DENND2B: variants seen among roughly 807,000 people sequenced by gnomAD.
DENND2B encodes DENN domain containing 2B.
A neutral mutation model predicts 116.0 loss-of-function variants in DENND2B; 32 were observed. That is an observed-to-expected ratio of 0.28 (90% CI 0.21 to 0.37). The LOEUF is 0.37. Among genes scored for constraint, DENND2B ranks in the 10% least tolerant of loss-of-function variants. The pLI is 1.00. For missense variants in DENND2B, 1,276 were observed against 1,477.7 expected (o/e 0.86, Z 2.24); for synonymous variants, 588 against 583.9 (o/e 1.01, Z -0.10).
At chr11:8,879,965 A>T (rs2653558) in intron 2 of DENND2B, among the ~76,000 whole-genome samples, 28,597 of 152,188 alleles carry the variant, frequency 0.19, 3,500 homozygotes, top group Middle Eastern at 0.35. Flanking sequence ...TCACATTAAC[A>T]TTTGTACAGT....
At chr11:8,808,829 C>T (rs1170883765) in intron 1 of DENND2B, 1 of 152,188 alleles carries the variant, frequency 6.6e-6, no homozygotes, top group Non-Finnish European at 1.5e-5. Context: ...AAGATACTTG[C>T]CCGTGGCCGC....
At chr11:8,890,770 G>A (rs2064021537) in intron 1 of DENND2B, among the ~76,000 whole-genome samples, 1 of 152,212 alleles carries the variant, frequency 6.6e-6, no homozygotes. Context: ...TCTGAGTGGT[G>A]TACCTGAAAG....
chr11:8,878,923 G>A (rs1286495915), intron 2 of DENND2B, among the ~76,000 whole-genome samples: 1 of 152,186 alleles, frequency 6.6e-6, no homozygotes, highest in Non-Finnish European at 1.5e-5. Flanking sequence ...GGGTATGGGA[G>A]CTCCTTGAGA....
At chr11:8,745,267 C>T (rs2051030227) in intron 2 of DENND2B, among the ~76,000 whole-genome samples, 1 of 152,162 alleles carries the variant, frequency 6.6e-6, no homozygotes, top group African/African-American at 2.4e-5. Flanking sequence ...GTTGCCCAGG[C>T]TGGTCTCAAA....
intron 3 of DENND2B, among the ~76,000 whole-genome samples, chr11:8,846,348 C>T (rs897226603): frequency 2.6e-5 from 4 of 152,198 alleles, no homozygotes; most frequent in Non-Finnish European, 5.9e-5. Flanking sequence ...GATCCCCCAA[C>T]AGGCTGCTGG....
At chr11:8,716,809 A>G (rs1022849446) in intron 5 of DENND2B, among the ~76,000 whole-genome samples, 1 of 152,216 alleles carries the variant, frequency 6.6e-6, no homozygotes, top group Middle Eastern at 3.4e-3. Flanking sequence ...CATCATGCCC[A>G]GCTAATGTTT....
intron 14 of DENND2B, 114 bp from the exon 15 acceptor site, chr11:8,699,504 A>G (rs1301132897): frequency 2.7e-6 from 3 of 1,101,540 alleles, no homozygotes; most frequent in Non-Finnish European, 3.8e-6. Flanking sequence ...AAAAATGCTA[A>G]TGGGGTTCAG....
At position 8,717,912 on chromosome 11, in the gene DENND2B, A is replaced by T; in HGVS notation, c.1478-20T>A. ...GATCTCCTGCAGAGGAGGAAGAGTTAGAGAAGGGGGAGAAGGGAAGAAGGA... is the reference window on the plus strand; with the variant it reads ...GATCTCCTGCAGAGGAGGAAGAGTTTGAGAAGGGGGAGAAGGGAAGAAGGA... On this transcript the variant is annotated intron_variant, in intron 4 of 19. Transcript: ENST00000313726. The T allele has an allele frequency of 6.2e-7, 1 of 1,602,150 alleles. No individual in the cohort carries two copies. The highest frequency in any genetic ancestry group is 1.7e-5 in the Admixed American group (1 of 57,926).
Position 8,697,594 on chromosome 11 carries a change from C to T in DENND2B, c.2983G>A (p.Ala995Thr). ...DTLLPRKLQA[A>T]LEQALERKNE... ...TTCCTCTCCAGAGCCTGCTCCAGAG[C>T]TGCCTGTAACTTCCTAGGTAACAAC... is the stretch of plus-strand genomic sequence containing the variant. Residue 995 changes from alanine (A) to threonine (T), a missense_variant, in exon 17 of 20, where the codon GCT becomes ACT. Physicochemically the swap from Ala to Thr is moderately conservative, Grantham distance 58 (BLOSUM62 0). Around this residue, in one of 2 missense-constraint regions of DENND2B, gnomAD observed 420 missense variants for 631.1 expected, o/e 0.67. Transcript: ENST00000313726. 6.2e-7 allele frequency: 1 copy of T among 1,614,244 alleles called. No homozygotes were observed. Among genetic ancestry groups the T allele is most frequent in the Non-Finnish European group, 8.5e-7 (1 of 1,180,014 alleles).
chr11:8,698,355 T>C (rs1386652012), intron 16 of DENND2B, among the ~76,000 whole-genome samples: 1 of 152,122 alleles, frequency 6.6e-6, no homozygotes, highest in Non-Finnish European at 1.5e-5. Flanking sequence ...CTATACTCTG[T>C]TTCTGTGTCC....
At chr11:8,726,328 G>GGTGGGT (rs2047077384) in intron 3 of DENND2B, 119 bp from the exon 4 acceptor site, 6 of 1,355,610 alleles carry the variant, frequency 4.4e-6, no homozygotes, top group Non-Finnish European at 5.9e-6. Context: ...GCTTCTGAAA[G>GGTGGGT]AGCATCAAGG....
At chr11:8,758,994 C>A (rs2054103645) in intron 1 of DENND2B, among the ~76,000 whole-genome samples, 2 of 152,206 alleles carry the variant, frequency 1.3e-5, no homozygotes, top group South Asian at 4.1e-4. Flanking sequence ...CACAGGAGGA[C>A]AGACCTCCCG....
At chr11:8,718,624 A>T in intron 4 of DENND2B, 1 of 1,311,102 alleles carries the variant, frequency 7.6e-7, no homozygotes, top group South Asian at 2.2e-5. Context: ...TTTGGAACAA[A>T]CTCTCCTGCT....
rs796198573 is a variant in DENND2B at position 8,776,134 on chromosome 11, A to ACG, written c.-25-25411_-25-25410dup. ...CACAGACTTGCACATGCACACAGAC[A>ACG]CGCACGTGCGCGCACGCGCGCGCGC... On this transcript the variant is annotated intron_variant, in intron 1 of 19. Coordinates refer to ENST00000313726, the MANE Select transcript of DENND2B (RefSeq NM_213618.2). 4.5e-3 allele frequency: 1,302 copies of ACG among 290,136 alleles called. 35 individuals are homozygous for ACG. In the Admixed American group the frequency reaches 0.048, roughly 11 times the overall value. 18.0% of individuals were successfully genotyped at this position (290,136 alleles called of 1,614,324 possible).
chr11:8,835,415 G>A (rs929427601), intron 4 of DENND2B, among the ~76,000 whole-genome samples: 3 of 152,190 alleles, frequency 2.0e-5, no homozygotes, highest in East Asian at 1.9e-4. Flanking sequence ...ATGTCTGACT[G>A]TCCTTTCAGA....
At chr11:8,811,570 C>T, upstream of DENND2B, 1 of 369,728 alleles carries the variant, frequency 2.7e-6, no homozygotes, top group Non-Finnish European at 4.8e-6. Flanking sequence ...TAAGTTTAGT[C>T]CCATCCCCAT....
chr11:8,891,556 C>A (rs1189411160), intron 1 of DENND2B, among the ~76,000 whole-genome samples: 1 of 152,050 alleles, frequency 6.6e-6, no homozygotes, highest in Non-Finnish European at 1.5e-5. Context: ...ATCTACCAAG[C>A]AAATGGAGAA....
intron 4 of DENND2B, among the ~76,000 whole-genome samples, chr11:8,721,619 T>G (rs1375930787): frequency 6.6e-6 from 1 of 152,210 alleles, no homozygotes; most frequent in Non-Finnish European, 1.5e-5. Context: ...CAGATCAGAC[T>G]GGGGCCTCTA....
intron 1 of DENND2B, among the ~76,000 whole-genome samples, chr11:8,805,678 A>G (rs1182681568): frequency 6.6e-6 from 1 of 152,136 alleles, no homozygotes; most frequent in African/African-American, 2.4e-5. Context: ...TAACCCTACC[A>G]TCAAAACTCA....
Sources: allele counts gnomAD v4.1 joint callset (sites outside exome capture counted in the v4.1 genomes callset), GRCh38; gene constraint gnomAD v4.1.1; regional missense constraint gnomAD v4.1.1; transcripts MANE v1.5; gene names NCBI Gene and HGNC (gene_info 2026-07-23, HGNC 2026-07-21).